The following SETD1A variants were observed in gnomAD, a reference collection of about 807,000 sequenced individuals.
The protein encoded by SETD1A is histone-lysine N-methyltransferase SETD1A.
In SETD1A, 29 loss-of-function variants were observed where a neutral mutation model predicts 149.9. The observed-to-expected ratio is 0.19, with a 90% CI of 0.14 to 0.26. The LOEUF is 0.26. SETD1A is among the 10% of genes least tolerant of loss of function. The pLI is 1.00. For missense variants in SETD1A, 2,109 were observed against 2,353.1 expected (o/e 0.90, Z 2.15); for synonymous variants, 1,141 against 968.5 (o/e 1.18, Z -3.31).
At chr16:30,974,780 G>A (rs1308862127) in intron 13 of SETD1A, among the ~76,000 whole-genome samples, 2 of 152,268 alleles carry the variant, frequency 1.3e-5, no homozygotes, top group East Asian at 3.9e-4. Context: ...GCTGAGGTGG[G>A]CAGATCACTT....
intron 17 of SETD1A, among the ~76,000 whole-genome samples, chr16:30,981,520 G>A (rs1342106668): frequency 3.9e-5 from 6 of 152,200 alleles, no homozygotes; most frequent in African/African-American, 9.6e-5. Context: ...GACTACAGGC[G>A]TGTGCCACCA....
intron 1 of SETD1A, 183 bp from the exon 2 acceptor site, chr16:30,958,534 G>C (rs1258865546): frequency 1.7e-6 from 1 of 599,898 alleles, no homozygotes; most frequent in East Asian, 2.8e-5. Flanking sequence ...GGTGGAAAGA[G>C]GCTGGGTTGT....
At position 30,983,650 on chromosome 16, in the gene SETD1A, C is replaced by T. The variant is rs767484943; in HGVS notation, c.4828C>T (p.Arg1610Trp). 1.2e-6 allele frequency: 2 copies of T among 1,612,832 alleles called. No homozygotes were observed. The highest frequency in any genetic ancestry group is 8.5e-7 in the Non-Finnish European group (1 of 1,179,718). ...ACCCTGGCAGATGGTGGCCGACATGCGGGAGAAGCGCTACGTGCAGGAGGG... is the reference window on the plus strand; with the variant it reads ...ACCCTGGCAGATGGTGGCCGACATGTGGGAGAAGCGCTACGTGCAGGAGGG... ...QNIRQMVADM[R>W]EKRYVQEGIG... The change falls in exon 18 of 19, where the codon CGG becomes TGG. Residue 1610 changes from arginine to tryptophan, a missense_variant. By Grantham distance (101) the Arg-to-Trp change is moderately radical. This residue lies in a region of SETD1A where 254 missense variants were observed against 409.3 expected (regional missense o/e 0.62). Coordinates refer to ENST00000262519, the MANE Select transcript of SETD1A (RefSeq NM_014712.3). The surrounding 1 kb of genome is among the most constrained non-coding windows in gnomAD (Gnocchi z 6.8).
chr16:30,975,203 A>G (rs2056270185), intron 13 of SETD1A, among the ~76,000 whole-genome samples: 2 of 151,222 alleles, frequency 1.3e-5, no homozygotes, highest in South Asian at 4.2e-4. Flanking sequence ...CCAGCTGCTC[A>G]GGAGCCTGAG....
chr16:30,979,998 G>T lies in SETD1A; in HGVS notation c.4212G>T (p.Pro1404=). ...LRSHARRRRP[P]PPPPPPPPRA... ...CCCACGCCCGGCGCCGCCGCCCTCC[G>T]CCCCCACCCCCGCCGCCACCGCCCC... The change falls in exon 14 of 19, where the codon CCG becomes CCT. Residue 1404 remains proline (P), a synonymous_variant. Coordinates refer to ENST00000262519, the MANE Select transcript of SETD1A (RefSeq NM_014712.3). 6.2e-6 allele frequency: 3 copies of T among 481,348 alleles called. No individual in the cohort carries two copies. The highest frequency in any genetic ancestry group is 5.7e-5 in the African/African-American group (2 of 35,194). 29.8% of individuals were successfully genotyped at this position (481,348 alleles called of 1,614,324 possible).
At chr16:30,971,747 T>C (rs781610969) in intron 13 of SETD1A, 28 bp downstream of exon 13, 2 of 1,528,194 alleles carry the variant, frequency 1.3e-6, no homozygotes, top group East Asian at 2.3e-5. Context: ...GTCGGTTAGA[T>C]CGCTGTGTGT....
rs11866157 is a variant in SETD1A, at chr16:30,967,003, C to T, written c.2625C>T (p.Ile875=). 9.8e-5 allele frequency: 157 copies of T among 1,598,260 alleles called. No individual in the cohort carries two copies. The highest frequency in any genetic ancestry group is 1.6e-4 in the East Asian group (7 of 44,312). Residue 875 remains isoleucine, a synonymous_variant, in exon 9 of 19, where the codon ATC becomes ATT. Coordinates refer to ENST00000262519, the MANE Select transcript of SETD1A (RefSeq NM_014712.3). ...DWAKSGGTTG[I]EAFAFGSGLR... ...CCAAGAGCGGGGGCACTACGGGCAT[C>T]GAGGCTTTCGCCTTTGGGTCAGGGC...
chr16:30,975,983 A>T (rs1025339191), intron 13 of SETD1A, among the ~76,000 whole-genome samples: 2 of 152,056 alleles, frequency 1.3e-5, no homozygotes, highest in African/African-American at 4.8e-5. Flanking sequence ...AGTAGCTTCC[A>T]GATCTGATGC....
intron 3 of SETD1A, among the ~76,000 whole-genome samples, chr16:30,959,580 G>C (rs530174711): frequency 6.6e-6 from 1 of 152,236 alleles, no homozygotes; most frequent in East Asian, 1.9e-4. Context: ...CTCATTTGGC[G>C]ATGTCATTTC....
rs569719496 is a variant in SETD1A, at chr16:30,971,480, GCTCCTCATCCTCCTC to G, written c.3126_3140del (p.Ser1054_Ser1058del). Reference sequence around the variant, plus strand: ...GACTCCGAGAGCAGCAGCTCTTCCAGCTCCTCATCCTCCTCCTCCTCCTCGTCCTCATCCTCCTCG... The same window carrying G: ...GACTCCGAGAGCAGCAGCTCTTCCAGCTCCTCCTCGTCCTCATCCTCCTCG... On this transcript the variant is annotated inframe_deletion, in exon 13 of 19. Transcript: ENST00000262519. The G allele has an allele frequency of 1.1e-5, 18 of 1,613,868 alleles. No homozygotes were observed. In the East Asian group the frequency reaches 3.6e-4, roughly 32 times the overall value.
chr16:30,965,925 A>G lies in SETD1A; in HGVS notation c.2044A>G (p.Met682Val). The G allele has an allele frequency of 2.5e-6, 4 of 1,611,996 alleles. No homozygotes were observed. The highest frequency in any genetic ancestry group is 3.4e-6 in the Non-Finnish European group (4 of 1,179,230). The change falls in exon 8 of 19, where the codon ATG becomes GTG. Residue 682 changes from methionine to valine, a missense_variant. Transcript: ENST00000262519. ...QWGGMPMSFQ[M>V]QTQMLTRLHQ... ...GGGAGGGATGCCCATGTCCTTCCAG[A>G]TGCAGACCCAGATGTTAACTCGGCT... is the stretch of plus-strand genomic sequence containing the variant.
chr16:30,981,246 C>A, intron 17 of SETD1A, 66 bp downstream of exon 17: 2 of 1,593,598 alleles, frequency 1.3e-6, no homozygotes, highest in Non-Finnish European at 1.7e-6. Context: ...GGCTCACACA[C>A]ATGCTGTTTG....
Position 30,969,695 on chromosome 16 carries a change from C to T in SETD1A, c.3016+6C>T, listed in dbSNP as rs1000127637. On this transcript the variant is annotated splice_donor_region_variant and intron_variant, in intron 12 of 18. Coordinates refer to ENST00000262519, the MANE Select transcript of SETD1A (RefSeq NM_014712.3). ...GGAGACAGAGGTGTCGGATGGTGAGCACAAGACAGTGAAATCGACTTTGGG... is the reference window on the plus strand; with the variant it reads ...GGAGACAGAGGTGTCGGATGGTGAGTACAAGACAGTGAAATCGACTTTGGG... 24 of 1,611,684 alleles carry T rather than the reference C, an allele frequency of 1.5e-5. No homozygotes were observed. The highest frequency in any genetic ancestry group is 2.2e-5 in the South Asian group (2 of 91,054).
Position 30,983,268 on chromosome 16 carries a change from G to GGT in SETD1A, c.4813-365_4813-364dup, listed in dbSNP as rs373769624. 3.9e-5 allele frequency among the ~76,000 whole-genome samples: 6 copies of GGT among 152,292 alleles called. No individual in the cohort carries two copies. Among genetic ancestry groups the GGT allele is most frequent in the African/African-American group, 1.4e-4 (6 of 41,568 alleles). Reference sequence around the variant, plus strand: ...AGGTCCAGGGAGGAGAGATGAGCAGGGTGCCGTTGGTGACATGGCCAGTCA... The same window carrying GGT: ...AGGTCCAGGGAGGAGAGATGAGCAGGGTGTGCCGTTGGTGACATGGCCAGTCA... On this transcript the variant is annotated intron_variant, in intron 17 of 18. Transcript: ENST00000262519. This position sits in a 1 kb window ranked among gnomAD's most constrained non-coding sequence, Gnocchi z 6.8.
intron 13 of SETD1A, among the ~76,000 whole-genome samples, chr16:30,978,075 A>T (rs935399048): frequency 2.0e-5 from 3 of 151,734 alleles, no homozygotes; most frequent in Admixed American, 2.0e-4. Flanking sequence ...AGAGATCGAG[A>T]CCATCCTGGC....
At position 30,964,795 on chromosome 16, in the gene SETD1A, C is replaced by G. The variant is rs1294689450; in HGVS notation, c.1053C>G (p.Ser351=). The G allele has an allele frequency of 1.2e-6, 2 of 1,614,062 alleles. No homozygotes were observed. The highest frequency in any genetic ancestry group is 1.7e-6 in the Non-Finnish European group (2 of 1,180,014). Residue 351 remains serine (S), a synonymous_variant, in exon 7 of 19, where the codon TCC becomes TCG. Coordinates refer to ENST00000262519, the MANE Select transcript of SETD1A (RefSeq NM_014712.3). ...SSSLSSSSSS[S]SSSSSSQFRS... Reference sequence around the variant, plus strand: ...CATTGTCCTCGTCCTCCTCGTCATCCTCTTCCTCCTCGTCCTCTCAGTTTC... The same window carrying G: ...CATTGTCCTCGTCCTCCTCGTCATCGTCTTCCTCCTCGTCCTCTCAGTTTC...
At chr16:30,958,696 G>C in intron 1 of SETD1A, 21 bp from the exon 2 acceptor site, 1 of 1,610,216 alleles carries the variant, frequency 6.2e-7, no homozygotes, top group Non-Finnish European at 8.5e-7. Context: ...TCCTTCTTGC[G>C]TGTCCCTCTT....
At chr16:30,966,593 G>T (rs1483682943) in intron 8 of SETD1A, among the ~76,000 whole-genome samples, 1 of 152,220 alleles carries the variant, frequency 6.6e-6, no homozygotes, top group Non-Finnish European at 1.5e-5. Flanking sequence ...GCAGAGCTTT[G>T]TCCTGGCTCC....
rs549262303 is a variant in SETD1A at position 30,979,839 on chromosome 16, G to C, written c.4053G>C (p.Pro1351=). The C allele has an allele frequency of 1.3e-4, 199 of 1,547,448 alleles. No individual in the cohort carries two copies. Among genetic ancestry groups the C allele is most frequent in the Non-Finnish European group, 1.7e-4 (192 of 1,152,916 alleles). The change falls in exon 14 of 19, where the codon CCG becomes CCC. Residue 1351 remains proline (P), a synonymous_variant. Transcript: ENST00000262519. ...VVVAEAEEPK[P]QQLQQQREEG... is the part of the protein sequence containing the mutation. ...TGGCTGAGGCGGAGGAGCCCAAGCC[G>C]CAGCAACTGCAGCAGCAGCGGGAGG...
Sources: allele counts gnomAD v4.1 joint callset (sites outside exome capture counted in the v4.1 genomes callset), GRCh38; gene constraint gnomAD v4.1.1; regional missense constraint gnomAD v4.1.1; non-coding constraint Gnocchi (gnomAD v3.1); transcripts MANE v1.5; gene names NCBI Gene and HGNC (gene_info 2026-07-23, HGNC 2026-07-21).